GRIP1: variants seen among roughly 807,000 people sequenced by gnomAD.
GRIP1 encodes glutamate receptor-interacting protein 1.
In GRIP1, 45 loss-of-function variants were observed where a neutral mutation model predicts 129.9. The observed-to-expected ratio is 0.35, with a 90% confidence interval of 0.27 to 0.44. GRIP1 has a LOEUF of 0.44. Ranked by LOEUF, GRIP1 falls within the 20% of genes least tolerant of loss-of-function variation. The probability of loss-of-function intolerance (pLI) is 1.00; values close to 1 mark genes in which losing one functional copy is unlikely to be tolerated. For missense variants in GRIP1, 1,196 were observed against 1,396.8 expected (o/e 0.86, Z 2.29); for synonymous variants, 530 against 520.8 (o/e 1.02, Z -0.24).
intron 24 of GRIP1, among the ~76,000 whole-genome samples, chr12:66,350,674 A>T (rs1306457482): frequency 6.6e-6 from 1 of 152,004 alleles, no homozygotes; most frequent in African/African-American, 2.4e-5. Flanking sequence ...CAAACCACCA[A>T]ATGCTTCCCA....
chr12:66,370,507 G>A (rs1290494945), intron 23 of GRIP1, among the ~76,000 whole-genome samples: 1 of 152,092 alleles, frequency 6.6e-6, no homozygotes, highest in Non-Finnish European at 1.5e-5. Context: ...GGGAAATTGA[G>A]GTCTTTAGAG....
At chr12:66,894,548 C>T (rs571682642) in intron 1 of GRIP1, among the ~76,000 whole-genome samples, 1 of 152,294 alleles carries the variant, frequency 6.6e-6, no homozygotes, top group South Asian at 2.1e-4. Flanking sequence ...AAGCCAGGGT[C>T]TTCTGTATCC....
intron 2 of GRIP1, among the ~76,000 whole-genome samples, chr12:66,588,111 A>G (rs2063712058): frequency 6.6e-6 from 1 of 152,076 alleles, no homozygotes. Context: ...ACAGCTTTGC[A>G]TTATTCTGTG....
At chr12:66,581,353 G>A (rs369975122) in intron 2 of GRIP1, among the ~76,000 whole-genome samples, 2 of 150,984 alleles carry the variant, frequency 1.3e-5, no homozygotes, top group Non-Finnish European at 3.0e-5. Flanking sequence ...AACTAGAAAA[G>A]CAAGAGCAAA....
chr12:66,701,987 A>T (rs889888779), intron 1 of GRIP1, among the ~76,000 whole-genome samples: 1 of 152,182 alleles, frequency 6.6e-6, no homozygotes, highest in Non-Finnish European at 1.5e-5. Context: ...GAATACAGTC[A>T]TTCAGAAGTC....
intron 14 of GRIP1, among the ~76,000 whole-genome samples, chr12:66,429,799 T>C (rs778443681): frequency 1.3e-5 from 2 of 152,222 alleles, no homozygotes; most frequent in Non-Finnish European, 2.9e-5. Context: ...GGGTTCACAA[T>C]GTGTTTAAGG....
At chr12:66,920,313 C>A (rs1441846149) in intron 1 of GRIP1, among the ~76,000 whole-genome samples, 1 of 152,094 alleles carries the variant, frequency 6.6e-6, no homozygotes, top group African/African-American at 2.4e-5. Flanking sequence ...TCCCGCCTAC[C>A]CAGCTTAATG....
At chr12:66,972,779 C>T (rs981650121) in intron 1 of GRIP1, among the ~76,000 whole-genome samples, 53 of 152,142 alleles carry the variant, frequency 3.5e-4, no homozygotes, top group Admixed American at 9.8e-4. Context: ...CATTCTAATT[C>T]ATGCACACTC....
chr12:66,804,858 A>T (rs2038956789), upstream of GRIP1, among the ~76,000 whole-genome samples: 2 of 152,240 alleles, frequency 1.3e-5, no homozygotes, highest in African/African-American at 4.8e-5. Context: ...GGTTTCATCC[A>T]TATGCACAGC....
intron 1 of GRIP1, among the ~76,000 whole-genome samples, chr12:66,915,679 G>C (rs1343090288): frequency 1.3e-5 from 2 of 152,206 alleles, no homozygotes; most frequent in Non-Finnish European, 2.9e-5. Context: ...ATTAAACAGG[G>C]TGGGGCCTAT....
chr12:66,856,220 G>T (rs899830125), intron 1 of GRIP1, among the ~76,000 whole-genome samples: 159 of 151,956 alleles, frequency 1.0e-3, no homozygotes, highest in African/African-American at 3.4e-3. Context: ...CAAAAATTAA[G>T]TCAAGATGGA....
intron 1 of GRIP1, among the ~76,000 whole-genome samples, chr12:66,973,223 A>C (rs2042099473): frequency 6.6e-6 from 1 of 151,322 alleles, no homozygotes; most frequent in South Asian, 2.1e-4. Context: ...CCATTGTTGA[A>C]AAGTATTTTT....
chr12:67,045,010 A>G (rs1452810179), intron 1 of GRIP1, among the ~76,000 whole-genome samples: 1 of 152,212 alleles, frequency 6.6e-6, no homozygotes, highest in East Asian at 1.9e-4. Flanking sequence ...GATGCACCTA[A>G]GTTCACATAG....
chr12:66,888,831 A>T (rs2040609332), intron 1 of GRIP1, among the ~76,000 whole-genome samples: 1 of 152,222 alleles, frequency 6.6e-6, no homozygotes, highest in Admixed American at 6.5e-5. Context: ...AAATGTGAAA[A>T]GCCACATTTA....
At chr12:67,035,343 C>T (rs2043079613) in intron 1 of GRIP1, among the ~76,000 whole-genome samples, 3 of 152,122 alleles carry the variant, frequency 2.0e-5, no homozygotes, top group Non-Finnish European at 4.4e-5. Flanking sequence ...GGGGAGGGTT[C>T]GCAGTTTGGA....
chr12:66,562,778 T>C (rs553815192), intron 2 of GRIP1, among the ~76,000 whole-genome samples: 2 of 152,296 alleles, frequency 1.3e-5, no homozygotes, highest in African/African-American at 2.4e-5. Flanking sequence ...CATGTAACTT[T>C]TGACTATCCC....
chr12:66,830,968 T>G (rs2039506045), intron 1 of GRIP1, among the ~76,000 whole-genome samples: 3 of 151,654 alleles, frequency 2.0e-5, no homozygotes, highest in Admixed American at 2.0e-4. Context: ...CACCTCAGCC[T>G]CTTGAGTTGC....
intron 1 of GRIP1, among the ~76,000 whole-genome samples, chr12:66,883,397 A>G (rs1488225739): frequency 6.6e-6 from 1 of 152,208 alleles, no homozygotes; most frequent in Non-Finnish European, 1.5e-5. Flanking sequence ...ATGGTGCTCA[A>G]TAAATCTATA....
intron 2 of GRIP1, among the ~76,000 whole-genome samples, chr12:66,565,361 C>T (rs974710635): frequency 2.0e-5 from 3 of 152,210 alleles, no homozygotes; most frequent in Non-Finnish European, 2.9e-5. Flanking sequence ...GTTCTCCCAG[C>T]ACCATTTATT....
Sources: gnomAD v4.1 joint callset for allele counts (sites outside exome capture counted in the v4.1 genomes callset) on GRCh38, gnomAD v4.1.1 for gene constraint, MANE v1.5 for transcripts, NCBI Gene and HGNC (gene_info 2026-07-23, HGNC 2026-07-21) for gene names.